The following SMARCAL1 variants were observed in gnomAD, a reference collection of about 807,000 sequenced individuals.
SMARCAL1 encodes the protein SNF2 related chromatin remodeling annealing helicase 1.
Under a neutral mutation model 94.5 loss-of-function variants are expected in SMARCAL1, and 58 were observed. The ratio of observed to expected loss-of-function variants is 0.61; its 90% CI spans 0.50 to 0.76. The LOEUF (loss-of-function observed/expected upper bound fraction) is 0.76. SMARCAL1 is among the 30% of genes least tolerant of loss of function. The pLI is 0.00. For missense variants in SMARCAL1, 1,051 were observed against 1,177.9 expected (o/e 0.89, Z 1.58); for synonymous variants, 422 against 455.1 (o/e 0.93, Z 0.93).
chr2:216,451,143 C>A, intron 12 of SMARCAL1, 79 bp downstream of exon 12: 1 of 1,137,514 alleles, frequency 8.8e-7, no homozygotes, highest in Non-Finnish European at 1.3e-6. Flanking sequence ...TGAAAATGAC[C>A]TGGCATTCTC....
chr2:216,416,320 A>G lies in SMARCAL1; in HGVS notation c.862+13A>G, dbSNP rs553585705. 3 of 1,607,936 alleles carry G rather than the reference A, an allele frequency of 1.9e-6. No individual in the cohort carries two copies. Among genetic ancestry groups the G allele is most frequent in the Non-Finnish European group, 2.6e-6 (3 of 1,174,510 alleles). ...TATAGTGCCCTGAGTAAGTAGACAC[A>G]TGGTTGTCTCATGGAGGGTGGCACT... is the stretch of plus-strand genomic sequence containing the variant. On this transcript the variant is annotated intron_variant, in intron 4 of 17. Transcript: ENST00000357276.
At chr2:216,416,348 T>C (rs2106016372) in intron 4 of SMARCAL1, 41 bp downstream of exon 4, 1 of 1,546,436 alleles carries the variant, frequency 6.5e-7, no homozygotes, top group East Asian at 2.2e-5. Context: ...GTGGCACTGG[T>C]GCTGAAAATC....
At chr2:216,460,218 G>A (rs1167898567) in intron 12 of SMARCAL1, among the ~76,000 whole-genome samples, 1 of 152,254 alleles carries the variant, frequency 6.6e-6, no homozygotes, top group African/African-American at 2.4e-5. Flanking sequence ...AGAAATAGGA[G>A]CACTTTTACA....
In SMARCAL1 at chr2:216,450,945, C is replaced by T. The variant is rs1202079793; in HGVS notation, c.1951C>T (p.Leu651Phe). Residue 651 changes from leucine to phenylalanine, a missense_variant, in exon 12 of 18, where the codon CTT becomes TTT. Physicochemically the swap from Leu to Phe is conservative, Grantham distance 22. Transcript: ENST00000357276. ...VMLRRLKSDV[L>F]SQLPAKQRKI... Reference sequence around the variant, plus strand: ...GCTGCGGCGCCTCAAGTCCGACGTCCTTTCCCAGCTGCCTGCCAAGCAGCG... The same window carrying T: ...GCTGCGGCGCCTCAAGTCCGACGTCTTTTCCCAGCTGCCTGCCAAGCAGCG... 7.4e-6 allele frequency: 12 copies of T among 1,614,234 alleles called. No homozygotes were observed. Among genetic ancestry groups the T allele is most frequent in the Non-Finnish European group, 1.0e-5 (12 of 1,180,040 alleles).
At chr2:216,421,121 G>T (rs1402420608) in intron 5 of SMARCAL1, among the ~76,000 whole-genome samples, 1 of 152,096 alleles carries the variant, frequency 6.6e-6, no homozygotes, top group Non-Finnish European at 1.5e-5. Context: ...GCATCACAGG[G>T]CCACTTCAAA....
chr2:216,458,594 T>C (rs1222050328), intron 12 of SMARCAL1, among the ~76,000 whole-genome samples: 1 of 152,128 alleles, frequency 6.6e-6, no homozygotes, highest in Non-Finnish European at 1.5e-5. Flanking sequence ...CATGATTATC[T>C]CAATAGATGC....
Position 216,475,269 on chromosome 2 carries a change from C to A in SMARCAL1, c.2245C>A (p.His749Asn). Residue 749 changes from histidine to asparagine, a missense_variant and splice_region_variant, in exon 15 of 18, where the codon CAC becomes AAC. His to Asn is a moderately conservative substitution (Grantham distance 68). Coordinates refer to ENST00000357276, the MANE Select transcript of SMARCAL1 (RefSeq NM_014140.4). This position sits in a 1 kb window ranked among gnomAD's most constrained non-coding sequence, Gnocchi z 4.4. ...DAITQELERK[H>N]VQHIRIDGST... Reference sequence around the variant, plus strand: ...TTGCTTCTGCCCCTTGTTCCTGCAGCACGTGCAGCACATCCGCATCGATGG... The same window carrying A: ...TTGCTTCTGCCCCTTGTTCCTGCAGAACGTGCAGCACATCCGCATCGATGG... The A allele has an allele frequency of 1.2e-6, 2 of 1,614,112 alleles. No homozygotes were observed. Among genetic ancestry groups the A allele is most frequent in the Non-Finnish European group, 1.7e-6 (2 of 1,180,014 alleles).
chr2:216,472,006 C>T (rs371101449), intron 14 of SMARCAL1, among the ~76,000 whole-genome samples: 9 of 152,226 alleles, frequency 5.9e-5, no homozygotes, highest in African/African-American at 1.4e-4. Flanking sequence ...ATATTGCTAT[C>T]GGAAGATGTC....
chr2:216,477,292 T>A (rs1428109095), intron 16 of SMARCAL1, 83 bp downstream of exon 16: 2 of 1,023,598 alleles, frequency 2.0e-6, no homozygotes, highest in Non-Finnish European at 3.0e-6. Flanking sequence ...CCCAAAGTGC[T>A]TCTGCTTTTG....
chr2:216,436,497 G>T (rs1298166457), intron 9 of SMARCAL1, among the ~76,000 whole-genome samples: 1 of 152,156 alleles, frequency 6.6e-6, no homozygotes, highest in Non-Finnish European at 1.5e-5. Flanking sequence ...TGACCTCAGG[G>T]GATCTATTAT....
chr2:216,475,436 G>A lies in SMARCAL1; in HGVS notation c.2412G>A (p.Leu804=). Reference sequence around the variant, plus strand: ...CTGACCTGGTGGTGTTTGCTGAGCTGTTTTGGAACCCAGGGGTAAGAGACG... The same window carrying A: ...CTGACCTGGTGGTGTTTGCTGAGCTATTTTGGAACCCAGGGGTAAGAGACG... The part of the protein sequence containing the change: ...SSADLVVFAE[L]FWNPGVLIQA... The change falls in exon 15 of 18, where the codon CTG becomes CTA. Residue 804 remains leucine, a synonymous_variant. Transcript: ENST00000357276. This position sits in a 1 kb window ranked among gnomAD's most constrained non-coding sequence, Gnocchi z 4.4. 1 of 1,614,214 alleles carries A rather than the reference G, an allele frequency of 6.2e-7. No homozygotes were observed. The highest frequency in any genetic ancestry group is 8.5e-7 in the Non-Finnish European group (1 of 1,180,034).
chr2:216,431,558 G>A (rs1693964312), intron 7 of SMARCAL1, among the ~76,000 whole-genome samples: 1 of 152,142 alleles, frequency 6.6e-6, no homozygotes, highest in South Asian at 2.1e-4. Flanking sequence ...TTATGATGTT[G>A]CCAACCACTG....
In SMARCAL1 at chr2:216,461,055, G is replaced by GGTGTGTGT. The variant is rs71054476; in HGVS notation, c.2071-3513_2071-3506dup. Among the ~76,000 whole-genome samples, 439 of 146,332 alleles carry GGTGTGTGT rather than the reference G, an allele frequency of 3.0e-3. 4 individuals are homozygous for GGTGTGTGT. Among genetic ancestry groups the GGTGTGTGT allele is most frequent in the African/African-American group, 0.01 (408 of 39,848 alleles). On this transcript the variant is annotated intron_variant, in intron 12 of 17. Transcript: ENST00000357276. ...TTATATTGATGTAAAACTAGAAAGAGGTGTGTGTGTGTGTGTGTGTGTGTG... is the reference window on the plus strand; with the variant it reads ...TTATATTGATGTAAAACTAGAAAGAGGTGTGTGTGTGTGTGTGTGTGTGTGTGTGTGTG...
chr2:216,476,278 T>C (rs948353871), intron 15 of SMARCAL1, among the ~76,000 whole-genome samples: 3 of 151,960 alleles, frequency 2.0e-5, no homozygotes, highest in African/African-American at 7.2e-5. Context: ...GGTGTAGCCA[T>C]TTTATACAAG....
intron 12 of SMARCAL1, 163 bp downstream of exon 12, chr2:216,451,227 C>T: frequency 4.4e-6 from 3 of 683,252 alleles, no homozygotes; most frequent in Non-Finnish European, 2.6e-6. Flanking sequence ...CCTCAGCCTA[C>T]CTAGTCAGTT....
intron 11 of SMARCAL1, among the ~76,000 whole-genome samples, chr2:216,448,879 A>G (rs866509305): frequency 6.6e-5 from 10 of 152,282 alleles, no homozygotes; most frequent in South Asian, 2.1e-4. Context: ...TTTTGGTGTT[A>G]CTAAGTTTTA....
chr2:216,438,732 C>A (rs957339939), intron 10 of SMARCAL1, among the ~76,000 whole-genome samples: 1 of 152,118 alleles, frequency 6.6e-6, no homozygotes, highest in Non-Finnish European at 1.5e-5. Flanking sequence ...GCCTTTGTCT[C>A]TCGAAGGTCA....
rs369356727 is a variant in SMARCAL1 at position 216,475,227 on chromosome 2, C to G, written c.2245-42C>G. On this transcript the variant is annotated intron_variant, in intron 14 of 17. Coordinates refer to ENST00000357276, the MANE Select transcript of SMARCAL1 (RefSeq NM_014140.4). The surrounding 1 kb of genome is among the most constrained non-coding windows in gnomAD (Gnocchi z 4.4). The stretch of plus-strand genomic sequence containing the variant: ...TGGGTGTGGTTTGCTGAGAAGCCCC[C>G]GGGGCTGTTGCCCACCTTGCTTCTG... 9 of 1,608,448 alleles carry G rather than the reference C, an allele frequency of 5.6e-6. No homozygotes were observed. The highest frequency in any genetic ancestry group is 1.3e-5 in the African/African-American group (1 of 74,864).
intron 14 of SMARCAL1, among the ~76,000 whole-genome samples, chr2:216,471,113 C>T (rs923647735): frequency 6.6e-6 from 1 of 151,856 alleles, no homozygotes; most frequent in Non-Finnish European, 1.5e-5. Context: ...TGGGTAATTG[C>T]CTAAATAATT....
Sources: gnomAD v4.1 joint callset for allele counts (sites outside exome capture counted in the v4.1 genomes callset) on GRCh38, gnomAD v4.1.1 for gene constraint, Gnocchi (gnomAD v3.1) non-coding constraint, MANE v1.5 for transcripts, NCBI Gene and HGNC (gene_info 2026-07-23, HGNC 2026-07-21) for gene names.